The following MARCHF10 variants were observed in gnomAD, a reference collection of about 807,000 sequenced individuals.
MARCHF10 encodes the protein membrane associated ring-CH-type finger 10.
A neutral mutation model predicts 76.2 loss-of-function variants in MARCHF10; 64 were observed. The observed-to-expected ratio is 0.84, with a 90% CI of 0.69 to 1.03. The LOEUF is 1.03. Ranked by LOEUF, MARCHF10 falls within the 50% of genes least tolerant of loss-of-function variation. The pLI is 0.00. For synonymous variants in MARCHF10, 340 were observed against 357.5 expected (o/e 0.95, Z 0.55); for missense variants, 875 against 958.0 (o/e 0.91, Z 1.14).
chr17:62,747,739 A>G (rs1274573925), intron 4 of MARCHF10, among the ~76,000 whole-genome samples: 1 of 152,246 alleles, frequency 6.6e-6, no homozygotes, highest in Non-Finnish European at 1.5e-5. Flanking sequence ...CAGACTTCAC[A>G]GGTTGGCAAT....
Position 62,734,394 on chromosome 17 carries a change from G to A in MARCHF10, c.1937+1537C>T, listed in dbSNP as rs146200084. Among the ~76,000 whole-genome samples the A allele has an allele frequency of 8.5e-5, 13 of 152,188 alleles. 1 individual carries two copies. In the East Asian group the frequency reaches 1.7e-3, roughly 20 times the overall value. The stretch of plus-strand genomic sequence containing the variant: ...GTAAGGAATGTTCTGTTAGCTGGAC[G>A]GTGGGCACAGGGGTGTCTGGGTTTG... On this transcript the variant is annotated intron_variant, in intron 6 of 10. Transcript: ENST00000311269.
chr17:62,777,904 C>T (rs1251348334), intron 3 of MARCHF10, among the ~76,000 whole-genome samples: 1 of 152,088 alleles, frequency 6.6e-6, no homozygotes, highest in African/African-American at 2.4e-5. Flanking sequence ...CCCTTGAATA[C>T]CTTCCTGGGC....
At chr17:62,751,311 G>A (rs978603543) in intron 4 of MARCHF10, among the ~76,000 whole-genome samples, 15 of 152,082 alleles carry the variant, frequency 9.9e-5, no homozygotes, top group African/African-American at 2.9e-4. Context: ...AAAACGAGAC[G>A]GGTGTTTTTT....
chr17:62,717,045 G>A (rs998101881), intron 8 of MARCHF10, among the ~76,000 whole-genome samples: 2 of 152,238 alleles, frequency 1.3e-5, no homozygotes, highest in African/African-American at 4.8e-5. Flanking sequence ...TGGGCTCACC[G>A]CGCCTCGGGG....
At chr17:62,778,036 A>G (rs1039548117) in intron 3 of MARCHF10, among the ~76,000 whole-genome samples, 4 of 152,168 alleles carry the variant, frequency 2.6e-5, no homozygotes, top group Admixed American at 6.5e-5. Flanking sequence ...AAATATAACC[A>G]CAAACAGTGC....
At chr17:62,720,930 C>T (rs908201295) in intron 8 of MARCHF10, among the ~76,000 whole-genome samples, 4 of 135,526 alleles carry the variant, frequency 3.0e-5, no homozygotes, top group African/African-American at 1.2e-4. Flanking sequence ...TGCAGTGGTG[C>T]GATCTCGGCT....
At chr17:62,722,448 A>G (rs753960218) in intron 8 of MARCHF10, 40 bp downstream of exon 8, 2 of 1,442,706 alleles carry the variant, frequency 1.4e-6, no homozygotes, top group East Asian at 4.6e-5. Context: ...CCCCTCTAAC[A>G]TACTTTAACC....
chr17:62,805,933 T>A (rs1426506480), intron 1 of MARCHF10, among the ~76,000 whole-genome samples: 6 of 150,830 alleles, frequency 4.0e-5, no homozygotes, highest in Non-Finnish European at 8.9e-5. Flanking sequence ...ATAATAATAA[T>A]AAAATAATAA....
chr17:62,800,698 C>T (rs990445067), intron 2 of MARCHF10, among the ~76,000 whole-genome samples: 4 of 152,142 alleles, frequency 2.6e-5, no homozygotes, highest in African/African-American at 9.7e-5. Flanking sequence ...GACGTGCCTT[C>T]CTGATTGGCA....
chr17:62,763,696 G>A (rs2092263180), intron 3 of MARCHF10, among the ~76,000 whole-genome samples: 1 of 152,022 alleles, frequency 6.6e-6, no homozygotes, highest in South Asian at 2.1e-4. Context: ...AAAAATCAAA[G>A]CCCACGACAT....
chr17:62,800,942 A>AAGGG (rs1222433976), intron 2 of MARCHF10, among the ~76,000 whole-genome samples: 2 of 152,078 alleles, frequency 1.3e-5, no homozygotes, highest in Non-Finnish European at 2.9e-5. Flanking sequence ...GATGACAACG[A>AAGGG]AGGGCGTGTT....
At chr17:62,794,457 AG>A (rs999510181) in intron 2 of MARCHF10, among the ~76,000 whole-genome samples, 3 of 152,200 alleles carry the variant, frequency 2.0e-5, no homozygotes, top group African/African-American at 7.2e-5. Flanking sequence ...TCTAGTCCTG[AG>A]GTTCATCCTT....
At chr17:62,771,813 C>G (rs4968742) in intron 3 of MARCHF10, among the ~76,000 whole-genome samples, 75,445 of 151,796 alleles carry the variant, frequency 0.5, 20,287 homozygotes, top group East Asian at 0.71. Flanking sequence ...CTGACCTCAA[C>G]TGATCTGCCA....
At chr17:62,767,777 T>A (rs2092366454) in intron 3 of MARCHF10, among the ~76,000 whole-genome samples, 2 of 152,132 alleles carry the variant, frequency 1.3e-5, no homozygotes, top group South Asian at 4.1e-4. Flanking sequence ...AGACACTTTT[T>A]AATGACTGAT....
intron 3 of MARCHF10, among the ~76,000 whole-genome samples, chr17:62,761,018 C>T (rs926334613): frequency 3.9e-5 from 6 of 152,214 alleles, no homozygotes; most frequent in Non-Finnish European, 5.9e-5. Context: ...TTCTCCCTGT[C>T]AGTTGTGGCA....
intron 5 of MARCHF10, chr17:62,737,673 G>T: frequency 4.3e-6 from 1 of 231,284 alleles, no homozygotes; most frequent in South Asian, 8.5e-5. Flanking sequence ...TGTTCCATAC[G>T]TACTGAAAGG....
At chr17:62,747,633 T>C (rs746676814) in intron 4 of MARCHF10, among the ~76,000 whole-genome samples, 7 of 152,232 alleles carry the variant, frequency 4.6e-5, no homozygotes, top group Non-Finnish European at 8.8e-5. Context: ...CTTCTTCTAC[T>C]GTAAAGAATA....
rs759727954 is a variant in MARCHF10 at position 62,725,046 on chromosome 17, C to T, written c.1996G>A (p.Gly666Arg). Residue 666 changes from glycine (G) to arginine (R), a missense_variant, in exon 7 of 11, where the codon GGG becomes AGG. Coordinates refer to ENST00000311269, the MANE Select transcript of MARCHF10 (RefSeq NM_152598.4). ...GDLCRICQIAGGSPSNPLLEP... is the reference protein window; with the variant it reads ...GDLCRICQIARGSPSNPLLEP... ...AGGAGGGGGTTGCTTGGGGAACCCC[C>T]GGCTATCTGACAGATGCGACACAAG... 1.2e-5 allele frequency: 20 copies of T among 1,608,344 alleles called. No homozygotes were observed. The Admixed American group carries it at 1.9e-4, about 15-fold the overall frequency.
At chr17:62,754,321 C>T (rs1346810991) in intron 4 of MARCHF10, among the ~76,000 whole-genome samples, 1 of 152,220 alleles carries the variant, frequency 6.6e-6, no homozygotes, top group Non-Finnish European at 1.5e-5. Flanking sequence ...GATCCGCTTG[C>T]CTTGGCCTCC....
Sources: allele counts gnomAD v4.1 joint callset (sites outside exome capture counted in the v4.1 genomes callset), GRCh38; gene constraint gnomAD v4.1.1; transcripts MANE v1.5; gene names NCBI Gene and HGNC (gene_info 2026-07-23, HGNC 2026-07-21).